The following ANO2 variants were observed in gnomAD, a reference collection of about 807,000 sequenced individuals.
ANO2 encodes anoctamin 2.
In ANO2, 101 loss-of-function variants were observed where a neutral mutation model predicts 124.2. That is an observed-to-expected ratio of 0.81 (90% CI 0.69 to 0.96). The LOEUF is 0.96. ANO2 is among the 40% of genes least tolerant of loss of function. ANO2 has a pLI of 0.00. For missense variants in ANO2, 1,293 were observed against 1,274.5 expected (o/e 1.01, Z -0.22); for synonymous variants, 486 against 482.5 (o/e 1.01, Z -0.09).
rs113218611 is a variant in ANO2 at position 5,817,812 on chromosome 12, C to A, written c.892+9957G>T. Among the ~76,000 whole-genome samples, 486 of 152,004 alleles carry A rather than the reference C, an allele frequency of 3.2e-3. 4 individuals are homozygous for A. The highest frequency in any genetic ancestry group is 3.9e-3 in the Non-Finnish European group (265 of 67,980). On this transcript the variant is annotated intron_variant, in intron 7 of 24. Transcript: ENST00000682330. ...CTGCAATTGGTGAGAGAAACAGGAG[C>A]AAAAATAGATGGCTGCAAGTCATCT...
intron 9 of ANO2, among the ~76,000 whole-genome samples, chr12:5,802,908 G>A (rs1053170073): frequency 3.3e-5 from 5 of 152,224 alleles, no homozygotes; most frequent in Non-Finnish European, 7.3e-5. Flanking sequence ...CATCCCACCT[G>A]ATGGATCAGA....
At chr12:5,576,812 T>C (rs923098790) in intron 22 of ANO2, among the ~76,000 whole-genome samples, 1 of 152,228 alleles carries the variant, frequency 6.6e-6, no homozygotes, top group Non-Finnish European at 1.5e-5. Context: ...GTTCAGATAT[T>C]GTTCTCTAAA....
In ANO2 at chr12:5,563,239, T is replaced by C. The variant is rs1424039524; in HGVS notation, c.*60A>G. On this transcript the variant is annotated 3_prime_UTR_variant, in exon 25 of 25. Coordinates refer to ENST00000682330, the MANE Select transcript of ANO2 (RefSeq NM_001364791.2). ...AGCACGCCATGTGGGTGTAGGAACA[T>C]GCTTACGTGCATGTGCGTGTCTCTG... The C allele has an allele frequency of 5.2e-6, 8 of 1,532,526 alleles. No individual in the cohort carries two copies. The highest frequency in any genetic ancestry group is 7.0e-6 in the Non-Finnish European group (8 of 1,143,846). The allele number at this position is 1,532,526 out of a possible 1,614,324, so 94.9% of individuals were successfully genotyped here.
upstream of ANO2, among the ~76,000 whole-genome samples, chr12:5,945,412 G>A (rs1943065234): frequency 6.6e-6 from 1 of 152,146 alleles, no homozygotes; most frequent in Non-Finnish European, 1.5e-5. Flanking sequence ...CTGCGCCCTG[G>A]GCGCCCGGGT....
chr12:5,584,139 C>CCCCG (rs1555088598), intron 20 of ANO2: 21,399 of 161,098 alleles, frequency 0.13, 1,417 homozygotes, highest in Non-Finnish European at 0.17. Context: ...ACACCCCCCC[C>CCCCG]CCGCCGCAAG....
At chr12:5,693,786 G>C (rs932079613) in intron 14 of ANO2, among the ~76,000 whole-genome samples, 5 of 152,090 alleles carry the variant, frequency 3.3e-5, no homozygotes, top group African/African-American at 9.7e-5. Flanking sequence ...TGCATTTGCT[G>C]CTTCCTCTGC....
chr12:5,633,247 C>T lies in ANO2; in HGVS notation c.1816+1905G>A, dbSNP rs76192400. ...CCCTTCCTTGGAGGGGAGCAAAGGG[C>T]CTGCAGGAAGCAGGTGTTCTTCTAT... On this transcript the variant is annotated intron_variant, in intron 16 of 24. Coordinates refer to ENST00000682330, the MANE Select transcript of ANO2 (RefSeq NM_001364791.2). 6.0e-3 allele frequency among the ~76,000 whole-genome samples: 914 copies of T among 152,284 alleles called. 13 individuals carry two copies. The highest frequency in any genetic ancestry group is 0.019 in the African/African-American group (803 of 41,544).
chr12:5,752,538 TAA>T (rs1375987145), intron 10 of ANO2, among the ~76,000 whole-genome samples: 1 of 152,210 alleles, frequency 6.6e-6, no homozygotes, highest in African/African-American at 2.4e-5. Flanking sequence ...GTCCTTTACT[TAA>T]TTTTTTTATC....
intron 24 of ANO2, among the ~76,000 whole-genome samples, chr12:5,564,222 G>A (rs1032963207): frequency 2.6e-5 from 4 of 152,214 alleles, no homozygotes; most frequent in Non-Finnish European, 5.9e-5. Context: ...CCCCGATTGG[G>A]TCTAGGCTTT....
At chr12:5,694,251 C>CAGAGAAAGAGAG (rs1555137021) in intron 14 of ANO2, among the ~76,000 whole-genome samples, 2 of 133,882 alleles carry the variant, frequency 1.5e-5, no homozygotes, top group Non-Finnish European at 3.1e-5. Context: ...TTACCAGAGA[C>CAGAGAAAGAGAG]AGAGAGAGAG....
At chr12:5,618,369 G>A (rs768032482) in intron 16 of ANO2, among the ~76,000 whole-genome samples, 16 of 152,164 alleles carry the variant, frequency 1.1e-4, no homozygotes, top group Non-Finnish European at 2.1e-4. Flanking sequence ...AAAAGCGTCT[G>A]CTCCCATCCT....
intron 7 of ANO2, among the ~76,000 whole-genome samples, chr12:5,827,160 G>A (rs183343707): frequency 6.6e-6 from 1 of 152,294 alleles, no homozygotes; most frequent in Non-Finnish European, 1.5e-5. Flanking sequence ...TCAGGATCTG[G>A]ACTGCCTGCC....
chr12:5,870,297 C>T (rs796165366), intron 3 of ANO2: 3 of 152,218 alleles, frequency 2.0e-5, no homozygotes, highest in East Asian at 3.8e-4. Context: ...GGATCCCTGC[C>T]CTTCCAGAGG....
chr12:5,678,950 C>T (rs995083744), intron 14 of ANO2, among the ~76,000 whole-genome samples: 6 of 152,136 alleles, frequency 3.9e-5, no homozygotes, highest in East Asian at 3.9e-4. Context: ...GAAAAGCATG[C>T]GAGTGGGTAT....
At chr12:5,897,370 T>C (rs1591759257) in intron 3 of ANO2, among the ~76,000 whole-genome samples, 1 of 152,182 alleles carries the variant, frequency 6.6e-6, no homozygotes, top group Non-Finnish European at 1.5e-5. Context: ...TAGCACCTAC[T>C]AGAAACCCTG....
At chr12:5,800,810 A>C (rs1168289636) in intron 9 of ANO2, among the ~76,000 whole-genome samples, 2 of 152,206 alleles carry the variant, frequency 1.3e-5, no homozygotes, top group African/African-American at 4.8e-5. Flanking sequence ...TTCAAAGAAG[A>C]GTCCAGTACA....
At chr12:5,574,190 C>T (rs1415266561) in intron 23 of ANO2, among the ~76,000 whole-genome samples, 1 of 152,174 alleles carries the variant, frequency 6.6e-6, no homozygotes, top group Admixed American at 6.5e-5. Flanking sequence ...TGGTCAAGTG[C>T]TTTATTGGGA....
At chr12:5,933,716 C>G (rs1942531076) in intron 1 of ANO2, among the ~76,000 whole-genome samples, 1 of 152,208 alleles carries the variant, frequency 6.6e-6, no homozygotes, top group Non-Finnish European at 1.5e-5. Flanking sequence ...CCAAATCCCT[C>G]CATCAGACAA....
At chr12:5,676,913 G>A (rs1948271981) in intron 14 of ANO2, among the ~76,000 whole-genome samples, 1 of 152,054 alleles carries the variant, frequency 6.6e-6, no homozygotes, top group South Asian at 2.1e-4. Flanking sequence ...AATTAACCAG[G>A]CGTGGTGGTG....
Sources: allele counts gnomAD v4.1 joint callset (sites outside exome capture counted in the v4.1 genomes callset), GRCh38; gene constraint gnomAD v4.1.1; transcripts MANE v1.5; gene names NCBI Gene and HGNC (gene_info 2026-07-23, HGNC 2026-07-21).